SIL1: variants seen among roughly 807,000 people sequenced by gnomAD.
SIL1 encodes the protein nucleotide exchange factor SIL1.
SIL1 carries 40 observed loss-of-function variants against 49.1 expected under a neutral mutation model. That is an observed-to-expected ratio of 0.81 (90% CI 0.63 to 1.06). The LOEUF (loss-of-function observed/expected upper bound fraction) is 1.06. SIL1 is among the 50% of genes least tolerant of loss of function. The pLI, the probability that SIL1 is intolerant of heterozygous loss-of-function variation, is 0.00. For synonymous variants in SIL1, 253 were observed against 250.8 expected (o/e 1.01, Z -0.08); for missense variants, 500 against 572.6 (o/e 0.87, Z 1.29).
chr5:139,160,839 A>AG (rs775289407), intron 1 of SIL1, among the ~76,000 whole-genome samples: 16 of 151,704 alleles, frequency 1.1e-4, no homozygotes, highest in Non-Finnish European at 1.3e-4. Context: ...CAAATAAAAA[A>AG]GGGTGGGGGT....
chr5:139,160,569 T>C lies in SIL1; in HGVS notation c.-10-32716A>G, dbSNP rs1751491772. Among the ~76,000 whole-genome samples, 11 of 152,212 alleles carry C rather than the reference T, an allele frequency of 7.2e-5. No individual in the cohort carries two copies. In the South Asian group the frequency reaches 2.3e-3, roughly 32 times the overall value. ...AAAAAGGGAGCGAGGCCAGGTGTCG[T>C]GGCTCATGCCTATAATCCCAGCAGT... is the stretch of plus-strand genomic sequence containing the variant. On this transcript the variant is annotated intron_variant, in intron 1 of 9. Transcript: ENST00000394817.
intron 7 of SIL1, among the ~76,000 whole-genome samples, chr5:138,995,964 T>C (rs1767861759): frequency 6.6e-6 from 1 of 152,240 alleles, no homozygotes; most frequent in South Asian, 2.1e-4. Context: ...GTTGATTCCA[T>C]ATTTCAGATA....
At chr5:139,060,428 C>A (rs1769560340) in intron 3 of SIL1, among the ~76,000 whole-genome samples, 1 of 151,828 alleles carries the variant, frequency 6.6e-6, no homozygotes, top group Non-Finnish European at 1.5e-5. Flanking sequence ...GTTAAAATGT[C>A]CTTTTAAAAG....
intron 7 of SIL1, among the ~76,000 whole-genome samples, chr5:139,004,931 G>A (rs1356372452): frequency 6.6e-6 from 1 of 152,164 alleles, no homozygotes; most frequent in East Asian, 1.9e-4. Context: ...AGAGTAGAAT[G>A]GTACTTACCA....
chr5:139,069,159 GC>G (rs1769772632), intron 3 of SIL1, among the ~76,000 whole-genome samples: 1 of 152,064 alleles, frequency 6.6e-6, no homozygotes, highest in Admixed American at 6.6e-5. Context: ...ATGGTGGCAT[GC>G]ACCTGCAGTC....
intron 3 of SIL1, among the ~76,000 whole-genome samples, chr5:139,088,001 T>C (rs1770260411): frequency 1.3e-5 from 2 of 152,046 alleles, no homozygotes; most frequent in Admixed American, 1.3e-4. Context: ...TCCACCATAA[T>C]GTAGGTACCT....
intron 1 of SIL1, among the ~76,000 whole-genome samples, chr5:139,180,743 A>C (rs1434244606): frequency 6.6e-6 from 1 of 152,180 alleles, no homozygotes; most frequent in Non-Finnish European, 1.5e-5. Flanking sequence ...AAGTCTCTGC[A>C]TTTCCCAGAA....
intron 1 of SIL1, among the ~76,000 whole-genome samples, chr5:139,172,943 A>G (rs1751804826): frequency 6.6e-6 from 1 of 151,908 alleles, no homozygotes; most frequent in Non-Finnish European, 1.5e-5. Flanking sequence ...TGCCCCCATG[A>G]TCCCAAAGAA....
At chr5:139,173,238 T>C (rs1052641314) in intron 1 of SIL1, among the ~76,000 whole-genome samples, 9 of 151,840 alleles carry the variant, frequency 5.9e-5, no homozygotes, top group Non-Finnish European at 1.0e-4. Flanking sequence ...ACACAGAAAA[T>C]AGCTAAAGAA....
At chr5:139,141,058 G>C (rs1482639947) in intron 1 of SIL1, among the ~76,000 whole-genome samples, 1 of 152,112 alleles carries the variant, frequency 6.6e-6, no homozygotes, top group African/African-American at 2.4e-5. Flanking sequence ...ATAGGAACCA[G>C]AGCTAGGGAC....
chr5:138,982,638 G>A (rs1040169249), intron 7 of SIL1, among the ~76,000 whole-genome samples: 7 of 152,234 alleles, frequency 4.6e-5, no homozygotes, highest in African/African-American at 1.7e-4. Flanking sequence ...AGGCCAAGGG[G>A]TTTGGCCAAG....
chr5:139,008,104 G>A (rs1345704961), intron 7 of SIL1, among the ~76,000 whole-genome samples: 8 of 151,580 alleles, frequency 5.3e-5, no homozygotes, highest in Non-Finnish European at 1.2e-4. Flanking sequence ...ACTCTTTTTG[G>A]TTGGTAAGCT....
At chr5:139,163,112 AAAGCTGCC>A (rs1751547859) in intron 1 of SIL1, among the ~76,000 whole-genome samples, 1 of 151,832 alleles carries the variant, frequency 6.6e-6, no homozygotes. Flanking sequence ...GTTAGGAGAT[AAAGCTGCC>A]AAGGAAGGCA....
intron 1 of SIL1, among the ~76,000 whole-genome samples, chr5:139,153,173 C>A (rs1222740096): frequency 6.6e-6 from 1 of 152,140 alleles, no homozygotes; most frequent in Non-Finnish European, 1.5e-5. Context: ...CGTCTCCCAC[C>A]TCCAGGCTTT....
intron 1 of SIL1, among the ~76,000 whole-genome samples, chr5:139,178,861 A>T (rs1056486127): frequency 6.6e-6 from 1 of 152,122 alleles, no homozygotes; most frequent in Non-Finnish European, 1.5e-5. Flanking sequence ...AATGTAACAG[A>T]TGTTTTATAT....
intron 5 of SIL1, among the ~76,000 whole-genome samples, chr5:139,032,647 T>C (rs570153036): frequency 9.8e-5 from 15 of 152,324 alleles, no homozygotes. Flanking sequence ...GCCAGTGGTT[T>C]TTAAATGTTT....
At chr5:139,116,022 C>G (rs115891114) in intron 3 of SIL1, among the ~76,000 whole-genome samples, 1 of 152,276 alleles carries the variant, frequency 6.6e-6, no homozygotes, top group East Asian at 1.9e-4. Context: ...TGGAGAACCA[C>G]GCCGCCCCTC....
intron 3 of SIL1, among the ~76,000 whole-genome samples, chr5:139,095,737 A>G (rs1347351862): frequency 6.6e-6 from 1 of 152,188 alleles, no homozygotes; most frequent in Non-Finnish European, 1.5e-5. Context: ...CTGAGGTGGG[A>G]GGACTGGTGG....
chr5:139,071,225 T>A (rs980393118), intron 3 of SIL1, among the ~76,000 whole-genome samples: 29 of 31,378 alleles, frequency 9.2e-4, no homozygotes, highest in South Asian at 1.9e-3. Flanking sequence ...GGGGTGGGGG[T>A]GGGGAATAGA....
Sources: gnomAD v4.1 joint callset for allele counts (sites outside exome capture counted in the v4.1 genomes callset) on GRCh38, gnomAD v4.1.1 for gene constraint, MANE v1.5 for transcripts, NCBI Gene and HGNC (gene_info 2026-07-23, HGNC 2026-07-21) for gene names.